The following AKT3 variants were observed in gnomAD, a reference collection of about 807,000 sequenced individuals.
AKT3 encodes the protein AKT serine/threonine kinase 3.
Under a neutral mutation model 65.3 loss-of-function variants are expected in AKT3, and 15 were observed. The observed-to-expected ratio is 0.23, with a 90% CI of 0.15 to 0.35. The LOEUF (loss-of-function observed/expected upper bound fraction) is 0.35. Among genes scored for constraint, AKT3 ranks in the 10% least tolerant of loss-of-function variants. The pLI is 1.00. For synonymous variants in AKT3, 206 were observed against 183.8 expected, an observed-to-expected ratio of 1.12 and a Z score of -0.98; for missense variants, 243 against 576.5, an observed-to-expected ratio of 0.42 and a Z score of 5.92.
intron 8 of AKT3, among the ~76,000 whole-genome samples, chr1:243,586,066 A>C (rs1675778321): frequency 1.3e-5 from 2 of 152,214 alleles, no homozygotes; most frequent in Non-Finnish European, 2.9e-5. Context: ...AAATGAGCAA[A>C]TGACATGAAC....
At chr1:243,546,148 C>T (rs1028378027) in intron 11 of AKT3, among the ~76,000 whole-genome samples, 1 of 152,134 alleles carries the variant, frequency 6.6e-6, no homozygotes, top group African/African-American at 2.4e-5. Flanking sequence ...AAGGGCGATT[C>T]CCCTGCACAT....
chr1:243,738,431 T>C (rs1158765048), intron 2 of AKT3, among the ~76,000 whole-genome samples: 2 of 152,184 alleles, frequency 1.3e-5, no homozygotes, highest in Admixed American at 6.5e-5. Context: ...GGGGAAAGTA[T>C]TAAACGTTTA....
chr1:243,808,939 T>A (rs1342255353), intron 2 of AKT3, among the ~76,000 whole-genome samples: 1 of 152,100 alleles, frequency 6.6e-6, no homozygotes, highest in African/African-American at 2.4e-5. Context: ...CTAAGCTTCG[T>A]AAGTGAAGGA....
chr1:243,814,067 A>G (rs1572395750), intron 2 of AKT3, among the ~76,000 whole-genome samples: 2 of 152,184 alleles, frequency 1.3e-5, no homozygotes, highest in East Asian at 3.8e-4. Context: ...ACTCCAGCCT[A>G]AGCAACAGAG....
chr1:243,514,878 T>A (rs12088492), intron 12 of AKT3, among the ~76,000 whole-genome samples: 1,711 of 152,258 alleles, frequency 0.011, 42 homozygotes, highest in African/African-American at 0.039. Context: ...CATATGTATA[T>A]ACCCATGAAA....
At chr1:243,650,538 AGGTC>A (rs1367287435) in intron 4 of AKT3, among the ~76,000 whole-genome samples, 1 of 152,150 alleles carries the variant, frequency 6.6e-6, no homozygotes, top group Non-Finnish European at 1.5e-5. Flanking sequence ...TTATGGTTTT[AGGTC>A]TTACATTTAA....
At chr1:243,605,797 ATATGG>A (rs1263745646) in intron 8 of AKT3, among the ~76,000 whole-genome samples, 7 of 152,180 alleles carry the variant, frequency 4.6e-5, no homozygotes, top group African/African-American at 1.7e-4. Context: ...TGGTAGGCAG[ATATGG>A]TTTGGCTGTG....
At chr1:243,589,406 G>A (rs537574264) in intron 8 of AKT3, among the ~76,000 whole-genome samples, 1 of 151,324 alleles carries the variant, frequency 6.6e-6, no homozygotes, top group South Asian at 2.1e-4. Context: ...AAATATACAC[G>A]TGGCCAGCAG....
intron 13 of AKT3, among the ~76,000 whole-genome samples, chr1:243,510,259 G>A (rs1336291042): frequency 1.3e-5 from 2 of 152,120 alleles, no homozygotes; most frequent in African/African-American, 4.8e-5. Context: ...ACCATATTCT[G>A]TGTATTCATG....
intron 5 of AKT3, among the ~76,000 whole-genome samples, chr1:243,640,138 T>C (rs1011263847): frequency 3.3e-5 from 5 of 152,194 alleles, no homozygotes; most frequent in African/African-American, 9.7e-5. Flanking sequence ...AGCAAAGAGA[T>C]AGCAGGGAAA....
chr1:243,629,828 G>C (rs934286164), intron 6 of AKT3, among the ~76,000 whole-genome samples: 1 of 152,104 alleles, frequency 6.6e-6, no homozygotes, highest in Non-Finnish European at 1.5e-5. Flanking sequence ...GAGATATGCA[G>C]CAATGCAGAC....
chr1:243,489,015 C>A (rs751286389), intron 13 of AKT3: 1 of 1,613,406 alleles, frequency 6.2e-7, no homozygotes, highest in South Asian at 1.1e-5. Flanking sequence ...TTTCTCCAGG[C>A]TAAGGCAGCT....
chr1:243,845,595 A>C (rs938221174), intron 1 of AKT3, among the ~76,000 whole-genome samples: 1 of 146,658 alleles, frequency 6.8e-6, no homozygotes, highest in African/African-American at 2.5e-5. Flanking sequence ...TCTCAAAAAA[A>C]AAAAAAAAGA....
At chr1:243,556,638 C>T (rs1393046926) in intron 10 of AKT3, among the ~76,000 whole-genome samples, 6 of 152,018 alleles carry the variant, frequency 3.9e-5, no homozygotes, top group Non-Finnish European at 8.8e-5. Flanking sequence ...AAGTAAACTG[C>T]GAACTTGGAT....
intron 11 of AKT3, chr1:243,546,492 T>A (rs534726929): frequency 5.9e-5 from 9 of 152,224 alleles, no homozygotes; most frequent in Non-Finnish European, 1.3e-4. Flanking sequence ...GAATTTTATA[T>A]AGTAGGCTTT....
At chr1:243,635,903 A>G (rs936118287) in intron 6 of AKT3, among the ~76,000 whole-genome samples, 7 of 152,076 alleles carry the variant, frequency 4.6e-5, no homozygotes, top group African/African-American at 1.7e-4. Flanking sequence ...ATAAATGAGC[A>G]TATTTTCTTT....
chr1:243,659,005 G>A (rs1198066122), intron 4 of AKT3, among the ~76,000 whole-genome samples: 2 of 151,982 alleles, frequency 1.3e-5, no homozygotes, highest in African/African-American at 4.8e-5. Context: ...ACTACAGCCT[G>A]GCTGACAGAG....
At chr1:243,494,973 C>T (rs1667421612), downstream of AKT3, among the ~76,000 whole-genome samples, 1 of 152,248 alleles carries the variant, frequency 6.6e-6, no homozygotes, top group African/African-American at 2.4e-5. Flanking sequence ...AGGCTCCACT[C>T]TCTGCTGTTG....
downstream of AKT3, among the ~76,000 whole-genome samples, chr1:243,495,296 C>T (rs901991427): frequency 1.3e-5 from 2 of 152,236 alleles, no homozygotes; most frequent in Admixed American, 6.5e-5. Context: ...TCTTACGGAA[C>T]GTCCCACTTC....
Sources: allele counts gnomAD v4.1 joint callset (sites outside exome capture counted in the v4.1 genomes callset), GRCh38; gene constraint gnomAD v4.1.1; transcripts MANE v1.5; gene names NCBI Gene and HGNC (gene_info 2026-07-23, HGNC 2026-07-21).